Variants in FAAH2 observed in about 807,000 individuals in gnomAD.
FAAH2 encodes the protein fatty-acid amide hydrolase 2.
A neutral mutation model predicts 36.9 loss-of-function variants in FAAH2; 60 were observed. The ratio of observed to expected loss-of-function variants is 1.63; its 90% CI spans 1.32 to 2.02. The LOEUF (loss-of-function observed/expected upper bound fraction) is 2.02, where lower values mean the gene tolerates loss of function less well. Ranked by LOEUF, FAAH2 falls within the 30% of genes most tolerant of loss-of-function variation. The pLI, the probability that FAAH2 is intolerant of heterozygous loss-of-function variation, is 0.00. For missense variants in FAAH2, 689 were observed against 397.5 expected (o/e 1.73, Z -6.23); for synonymous variants, 214 against 143.8 (o/e 1.49, Z -3.49).
At chrX:57,287,559 G>A (rs978341038) in intron 1 of FAAH2, among the ~76,000 whole-genome samples, 4 of 111,813 alleles carry the variant, frequency 3.6e-5, no homozygotes, top group African/African-American at 1.3e-4. Context: ...TCTATTTCAC[G>A]GATGCAGTTA....
the FAAH2 span, among the ~76,000 whole-genome samples, chrX:57,236,420 GT>G: frequency 2.7e-5 from 3 of 112,350 alleles, no homozygotes; most frequent in African/African-American, 9.7e-5. Context: ...TCTCCGCAGT[GT>G]TTTCCATAAT....
chrX:57,219,473 C>T, the FAAH2 span, among the ~76,000 whole-genome samples: 1 of 111,868 alleles, frequency 8.9e-6, no homozygotes, highest in African/African-American at 3.3e-5. Flanking sequence ...TCACTGATCT[C>T]GCCTACTGGT....
intron 7 of FAAH2, 114 bp from the exon 8 acceptor site, chrX:57,431,802 TCC>T: frequency 3.6e-6 from 2 of 561,322 alleles, no homozygotes; most frequent in Non-Finnish European, 4.8e-6. Context: ...TTTTGGTGTT[TCC>T]ATGGGGCAAT....
the FAAH2 span, among the ~76,000 whole-genome samples, chrX:57,238,671 T>C: frequency 1.7e-4 from 19 of 112,084 alleles, no homozygotes; most frequent in African/African-American, 5.5e-4. Flanking sequence ...TTATTTTAGT[T>C]TCAGTGAGTA....
At chrX:57,154,826 T>C in the FAAH2 span, among the ~76,000 whole-genome samples, 2 of 110,487 alleles carry the variant, frequency 1.8e-5, 1 homozygote, top group Admixed American at 1.9e-4. Context: ...GATCTGGGAC[T>C]CAAGGCTGCT....
chrX:57,396,906 GATCTGTCTAGT>G (rs1439661539), intron 7 of FAAH2, among the ~76,000 whole-genome samples: 1 of 111,526 alleles, frequency 9.0e-6, no homozygotes, highest in Non-Finnish European at 1.9e-5. Flanking sequence ...CTGCCTTCGT[GATCTGTCTAGT>G]ATTGTCAGTG....
the FAAH2 span, among the ~76,000 whole-genome samples, chrX:57,183,607 A>G: frequency 9.0e-6 from 1 of 111,535 alleles, no homozygotes; most frequent in Non-Finnish European, 1.9e-5. Flanking sequence ...ATAATTTCAT[A>G]TGCCTGTCTT....
At chrX:57,279,445 C>T in the FAAH2 span, among the ~76,000 whole-genome samples, 7 of 111,608 alleles carry the variant, frequency 6.3e-5, no homozygotes, top group African/African-American at 1.3e-4. Flanking sequence ...CACACTGGTG[C>T]CTGTTGGGGA....
At chrX:57,264,349 A>G in the FAAH2 span, among the ~76,000 whole-genome samples, 3 of 112,635 alleles carry the variant, frequency 2.7e-5, no homozygotes, top group African/African-American at 9.7e-5. Flanking sequence ...AAAATAAACA[A>G]TCCCATTAAA....
intron 6 of FAAH2, 101 bp from the exon 7 acceptor site, chrX:57,380,810 GA>G (rs951480944): frequency 2.2e-5 from 11 of 496,562 alleles, no homozygotes; most frequent in Non-Finnish European, 3.6e-5. Context: ...AGTGCTCAGG[GA>G]AAAAAATACT....
intron 2 of FAAH2, among the ~76,000 whole-genome samples, chrX:57,296,064 C>A (rs934006422): frequency 2.7e-5 from 3 of 112,342 alleles, no homozygotes; most frequent in African/African-American, 9.7e-5. Flanking sequence ...ATAACCTCTG[C>A]AGACTTAAAT....
chrX:57,322,322 AG>A (rs1173587951), intron 3 of FAAH2, among the ~76,000 whole-genome samples: 1 of 111,748 alleles, frequency 8.9e-6, no homozygotes, highest in Non-Finnish European at 1.9e-5. Flanking sequence ...TATTTGATGT[AG>A]GTCCCCGATC....
the FAAH2 span, among the ~76,000 whole-genome samples, chrX:57,123,014 A>T: frequency 6.3e-5 from 7 of 111,115 alleles, no homozygotes; most frequent in African/African-American, 1.3e-4. Flanking sequence ...TTATTTTTTT[A>T]AATTATATTT....
intron 10 of FAAH2, among the ~76,000 whole-genome samples, chrX:57,462,108 A>G (rs866358505): frequency 3.4e-4 from 35 of 102,477 alleles, no homozygotes; most frequent in Middle Eastern, 5.2e-3. Flanking sequence ...GGAGGAAGTC[A>G]CATCCCTGAA....
chrX:57,320,441 GAGA>G (rs2052986734), intron 3 of FAAH2, among the ~76,000 whole-genome samples: 1 of 112,516 alleles, frequency 8.9e-6, no homozygotes, highest in African/African-American at 3.2e-5. Flanking sequence ...CTGGTCATTA[GAGA>G]AATGCAAATC....
chrX:57,473,471 C>T (rs974931345), intron 10 of FAAH2, among the ~76,000 whole-genome samples: 2 of 111,200 alleles, frequency 1.8e-5, no homozygotes, highest in Non-Finnish European at 3.8e-5. Context: ...GAGAATGTTC[C>T]ATGCACAAGT....
At chrX:57,355,924 A>G (rs2054146963) in intron 5 of FAAH2, among the ~76,000 whole-genome samples, 1 of 111,235 alleles carries the variant, frequency 9.0e-6, no homozygotes, top group Admixed American at 9.6e-5. Context: ...TGAACTTTTC[A>G]TATATAGCCT....
chrX:57,278,211 G>A, the FAAH2 span, among the ~76,000 whole-genome samples: 1 of 111,619 alleles, frequency 9.0e-6, no homozygotes, highest in African/African-American at 3.3e-5. Context: ...CATGGTACTG[G>A]TAACAAAGAA....
At chrX:57,421,846 A>G (rs150684398) in intron 7 of FAAH2, among the ~76,000 whole-genome samples, 1 of 111,836 alleles carries the variant, frequency 8.9e-6, no homozygotes, top group African/African-American at 3.2e-5. Flanking sequence ...AAATAAAGCA[A>G]TGTTTTCCCA....
Sources: allele counts gnomAD v4.1 joint callset (sites outside exome capture counted in the v4.1 genomes callset), GRCh38; gene constraint gnomAD v4.1.1; transcripts MANE v1.5; gene names NCBI Gene and HGNC (gene_info 2026-07-23, HGNC 2026-07-21).